TRIM59: variants seen among roughly 807,000 people sequenced by gnomAD.
The protein encoded by TRIM59 is tripartite motif containing 59.
Under a neutral mutation model 32.2 loss-of-function variants are expected in TRIM59, and 14 were observed. The observed-to-expected ratio is 0.43, with a 90% CI of 0.29 to 0.68. The LOEUF (loss-of-function observed/expected upper bound fraction) is 0.68, where lower values mean the gene tolerates loss of function less well. Ranked by LOEUF, TRIM59 falls within the 30% of genes least tolerant of loss-of-function variation. The pLI, the probability that TRIM59 is intolerant of heterozygous loss-of-function variation, is 0.15. For synonymous variants in TRIM59, 163 were observed against 155.1 expected (o/e 1.05, Z -0.38); for missense variants, 471 against 463.3 (o/e 1.02, Z -0.15).
intron 2 of TRIM59, among the ~76,000 whole-genome samples, chr3:160,440,905 G>A (rs913660960): frequency 3.3e-5 from 5 of 151,632 alleles, no homozygotes; most frequent in Admixed American, 1.3e-4. Flanking sequence ...GCGAAACTCC[G>A]TCTCAAAAAA....
At chr3:160,445,036 C>G (rs1021455685) in intron 2 of TRIM59, among the ~76,000 whole-genome samples, 2 of 151,586 alleles carry the variant, frequency 1.3e-5, no homozygotes, top group African/African-American at 4.9e-5. Context: ...ATGGGCAGAG[C>G]TGACACCATA....
At position 160,444,016 on chromosome 3, in the gene TRIM59, C is replaced by T. The variant is rs11928113; in HGVS notation, c.-4+4710G>A. ...GAGGTAACTAAATTTAGGGAAAAAA[C>T]GTGATAGAATCATGAAAAGAGAGGA... On this transcript the variant is annotated intron_variant, in intron 2 of 2. Coordinates refer to ENST00000309784, the MANE Select transcript of TRIM59 (RefSeq NM_173084.3). Among the ~76,000 whole-genome samples, 260 of 152,094 alleles carry T rather than the reference C, an allele frequency of 1.7e-3. 1 individual carries two copies. The highest frequency in any genetic ancestry group is 5.8e-3 in the African/African-American group (240 of 41,478).
At position 160,437,734 on chromosome 3, in the gene TRIM59, A is replaced by G. The variant is rs971053875; in HGVS notation, c.*238T>C. 130 of 1,154,270 alleles carry G rather than the reference A, an allele frequency of 1.1e-4. No homozygotes were observed. Among genetic ancestry groups the G allele is most frequent in the Admixed American group, 3.1e-4 (7 of 22,446 alleles). 71.5% of individuals were successfully genotyped at this position (1,154,270 alleles called of 1,614,324 possible). ...TTATGTCAACCATCATAAAGCCAAT[A>G]AAAATGGGATAGTGTATTACTTTTC... is the stretch of plus-strand genomic sequence containing the variant. On this transcript the variant is annotated 3_prime_UTR_variant, in exon 3 of 3. Transcript: ENST00000309784.
intron 2 of TRIM59, among the ~76,000 whole-genome samples, chr3:160,440,687 G>A (rs532704877): frequency 5.9e-5 from 9 of 152,086 alleles, no homozygotes; most frequent in East Asian, 1.9e-4. Context: ...CGAGGCGGGC[G>A]GATCACCTGA....
chr3:160,438,303 A>G lies in TRIM59; in HGVS notation c.881T>C (p.Ile294Thr). 1 of 1,613,646 alleles carries G rather than the reference A, an allele frequency of 6.2e-7. No individual in the cohort carries two copies. Among genetic ancestry groups the G allele is most frequent in the Non-Finnish European group, 8.5e-7 (1 of 1,179,926 alleles). Residue 294 changes from isoleucine to threonine, a missense_variant, in exon 3 of 3, where the codon ATT (isoleucine) becomes ACT (threonine). Physicochemically the swap from Ile to Thr is moderately conservative, Grantham distance 89. Transcript: ENST00000309784. Reference protein sequence around the residue: ...ILKEEWSRTEIGQIKNVLIPK... With the variant: ...ILKEEWSRTETGQIKNVLIPK... Reference sequence around the variant, plus strand: ...AATGAGAACGTTCTTAATTTGTCCAATTTCTGTTCTGCTCCATTCTTCTTT... The same window carrying G: ...AATGAGAACGTTCTTAATTTGTCCAGTTTCTGTTCTGCTCCATTCTTCTTT...
At chr3:160,440,173 T>G (rs2108515816) in intron 2 of TRIM59, among the ~76,000 whole-genome samples, 1 of 152,296 alleles carries the variant, frequency 6.6e-6, no homozygotes, top group Admixed American at 6.5e-5. Context: ...AAGCAATAAT[T>G]TTAACTTGCA....
In TRIM59 at chr3:160,436,890, G is replaced by A. The variant is rs1329834594; in HGVS notation, c.*1082C>T. The A allele has an allele frequency of 3.1e-6, 3 of 980,568 alleles. No homozygotes were observed. Among genetic ancestry groups the A allele is most frequent in the Admixed American group, 6.4e-5 (1 of 15,694 alleles). The allele number at this position is 980,568 out of a possible 1,614,324, so 60.7% of individuals were successfully genotyped here. A position where few individuals can be genotyped will look rare whatever the true frequency, so the allele number is the denominator to read the frequency against. On this transcript the variant is annotated 3_prime_UTR_variant, in exon 3 of 3. Transcript: ENST00000309784. ...GTGGTAGAAAATTTAAATGAGTTAA[G>A]ATGAATAAAGTCCACATGATGCCAT... is the stretch of plus-strand genomic sequence containing the variant.
intron 2 of TRIM59, among the ~76,000 whole-genome samples, chr3:160,445,875 G>A (rs112581519): frequency 0.012 from 1,874 of 151,934 alleles, 20 homozygotes; most frequent in Middle Eastern, 0.021. Flanking sequence ...ATGCAGTGGT[G>A]TGACCATGGC....
intron 2 of TRIM59, chr3:160,447,672 G>C (rs1719605686): frequency 6.6e-6 from 1 of 152,164 alleles, no homozygotes; most frequent in South Asian, 2.1e-4. Context: ...CTCTAAACAT[G>C]AACAGTTGTA....
chr3:160,438,843 T>C lies in TRIM59; in HGVS notation c.341A>G (p.Lys114Arg), dbSNP rs1719106472. Residue 114 changes from lysine to arginine, a missense_variant, in exon 3 of 3, where the codon AAA becomes AGA. Transcript: ENST00000309784. ...PLNVYCLLDK[K>R]LVCGHCLTIG... ...GGTAAGGCAATGACCACAAACTAATTTTTTATCTAATAGACAGTAAACATT... is the reference window on the plus strand; with the variant it reads ...GGTAAGGCAATGACCACAAACTAATCTTTTATCTAATAGACAGTAAACATT... The C allele has an allele frequency of 3.7e-6, 6 of 1,613,906 alleles. No individual in the cohort carries two copies. The highest frequency in any genetic ancestry group is 3.3e-4 in the Middle Eastern group (2 of 6,082).
chr3:160,438,302 A>T lies in TRIM59; in HGVS notation c.882T>A (p.Ile294=). 1 of 1,613,718 alleles carries T rather than the reference A, an allele frequency of 6.2e-7. No individual in the cohort carries two copies. The highest frequency in any genetic ancestry group is 8.5e-7 in the Non-Finnish European group (1 of 1,179,934). ...ILKEEWSRTE[I]GQIKNVLIPK... Reference sequence around the variant, plus strand: ...GAATGAGAACGTTCTTAATTTGTCCAATTTCTGTTCTGCTCCATTCTTCTT... The same window carrying T: ...GAATGAGAACGTTCTTAATTTGTCCTATTTCTGTTCTGCTCCATTCTTCTT... The change falls in exon 3 of 3, where the codon ATT becomes ATA. Residue 294 remains isoleucine, a synonymous_variant. Coordinates refer to ENST00000309784, the MANE Select transcript of TRIM59 (RefSeq NM_173084.3).
At position 160,436,055 on chromosome 3, in the gene TRIM59, C is replaced by G. The variant is rs1183454759; in HGVS notation, c.*1917G>C. ...TCAGTGCAACTTAGTATTTTTATCT[C>G]TAGCTGAGTATGTGTCTCTCCTTAC... On this transcript the variant is annotated 3_prime_UTR_variant, in exon 3 of 3. Transcript: ENST00000309784. 1.7e-6 allele frequency: 2 copies of G among 1,177,532 alleles called. No individual in the cohort carries two copies. The highest frequency in any genetic ancestry group is 7.4e-5 in the Admixed American group (2 of 27,020). 72.9% of individuals were successfully genotyped at this position (1,177,532 alleles called of 1,614,324 possible). A position where few individuals can be genotyped will look rare whatever the true frequency, so the allele number is the denominator to read the frequency against.
intron 2 of TRIM59, among the ~76,000 whole-genome samples, chr3:160,445,199 G>C (rs1355514214): frequency 1.3e-5 from 2 of 152,052 alleles, no homozygotes; most frequent in African/African-American, 4.8e-5. Context: ...AGGATCACTT[G>C]AGCCCAGCAA....
chr3:160,449,330 G>A (rs1034414121), intron 1 of TRIM59: 14 of 332,618 alleles, frequency 4.2e-5, no homozygotes, highest in South Asian at 1.1e-4. Context: ...CCCACAAAGG[G>A]GCTCAAAATG....
intron 1 of TRIM59, 105 bp from the exon 2 acceptor site, chr3:160,448,900 A>G: frequency 1.7e-6 from 1 of 571,674 alleles, no homozygotes; most frequent in Middle Eastern, 6.8e-4. Flanking sequence ...ACGATGCTTC[A>G]TCGTGTTTTC....
intron 1 of TRIM59, 134 bp from the exon 2 acceptor site, chr3:160,448,929 AAC>A (rs1719674803): frequency 2.5e-6 from 1 of 406,992 alleles, no homozygotes; most frequent in East Asian, 7.8e-5. Flanking sequence ...CACAAACACC[AAC>A]ACAGTTGCTG....
chr3:160,440,754 A>G (rs1459691758), intron 2 of TRIM59, among the ~76,000 whole-genome samples: 1 of 152,126 alleles, frequency 6.6e-6, no homozygotes, highest in Non-Finnish European at 1.5e-5. Context: ...TCTACTAAAA[A>G]TACAAAATTA....
chr3:160,436,328 T>C lies in TRIM59; in HGVS notation c.*1644A>G. 1 of 986,332 alleles carries C rather than the reference T, an allele frequency of 1.0e-6. No individual in the cohort carries two copies. The highest frequency in any genetic ancestry group is 1.2e-6 in the Non-Finnish European group (1 of 830,306). 61.1% of individuals were successfully genotyped at this position (986,332 alleles called of 1,614,324 possible). ...CTTTTTGATTTGATATAGGTAAGGC[T>C]CTTCGGTGATCCAAGAGCAGCCCCT... On this transcript the variant is annotated 3_prime_UTR_variant, in exon 3 of 3. Coordinates refer to ENST00000309784, the MANE Select transcript of TRIM59 (RefSeq NM_173084.3).
At chr3:160,442,474 C>A (rs967498020) in intron 2 of TRIM59, among the ~76,000 whole-genome samples, 5 of 151,686 alleles carry the variant, frequency 3.3e-5, no homozygotes, top group African/African-American at 1.2e-4. Context: ...CCCTATAATC[C>A]CAGCTACTCG....
Sources: allele counts gnomAD v4.1 joint callset (sites outside exome capture counted in the v4.1 genomes callset), GRCh38; gene constraint gnomAD v4.1.1; transcripts MANE v1.5; gene names NCBI Gene and HGNC (gene_info 2026-07-23, HGNC 2026-07-21).